PPRC1: variants seen among roughly 807,000 people sequenced by gnomAD.
The protein encoded by PPRC1 is PPARG related coactivator 1.
A neutral mutation model predicts 132.5 loss-of-function variants in PPRC1; 23 were observed. That is an observed-to-expected ratio of 0.17 (90% CI 0.12 to 0.25). PPRC1 has a LOEUF of 0.25. Ranked by LOEUF, PPRC1 falls within the 10% of genes least tolerant of loss-of-function variation. The pLI is 1.00. For missense variants in PPRC1, 2,006 were observed against 2,089.1 expected (o/e 0.96, Z 0.78); for synonymous variants, 872 against 833.5 (o/e 1.05, Z -0.80).
chr10:102,146,510 A>T (rs1411784474), intron 8 of PPRC1, among the ~76,000 whole-genome samples, 162 bp from the exon 9 acceptor site: 1 of 152,146 alleles, frequency 6.6e-6, no homozygotes, highest in Non-Finnish European at 1.5e-5. Context: ...GTTGGGGAAC[A>T]TGGGGAAGGG....
chr10:102,146,904 C>T lies in PPRC1; in HGVS notation c.3912C>T (p.Thr1304=). The change falls in exon 9 of 14, where the codon ACC becomes ACT. Residue 1304 remains threonine (T), a synonymous_variant. Coordinates refer to ENST00000278070, the MANE Select transcript of PPRC1 (RefSeq NM_015062.5). ...ATGACTATTGTGTCCGGAGCAGGAC[C>T]CCCCCAAAAAAGATGCCTGCCCTAG... ...GDHDYCVRSR[T]PPKKMPALVI... is the part of the protein sequence containing the mutation. 1.9e-6 allele frequency: 3 copies of T among 1,613,960 alleles called. No individual in the cohort carries two copies. Among genetic ancestry groups the T allele is most frequent in the East Asian group, 2.2e-5 (1 of 44,874 alleles).
chr10:102,138,318 G>GT (rs1466446694), intron 2 of PPRC1, among the ~76,000 whole-genome samples: 1 of 152,156 alleles, frequency 6.6e-6, no homozygotes, highest in Non-Finnish European at 1.5e-5. Flanking sequence ...TCTGATCTCT[G>GT]TTTTTCAGCT....
intron 8 of PPRC1, 138 bp downstream of exon 8, chr10:102,145,228 G>A (rs755802946): frequency 9.9e-6 from 8 of 804,416 alleles, no homozygotes; most frequent in Admixed American, 2.9e-5. Flanking sequence ...CAGTCTAGGG[G>A]GCAGACTTGT....
chr10:102,121,508 A>C, the PPRC1 span, among the ~76,000 whole-genome samples: 3 of 152,126 alleles, frequency 2.0e-5, no homozygotes, highest in Non-Finnish European at 4.4e-5. Context: ...TCACACTTCA[A>C]GGACTCCCCA....
At chr10:102,137,719 G>C in intron 1 of PPRC1, 131 bp from the exon 2 acceptor site, 1 of 816,860 alleles carries the variant, frequency 1.2e-6, no homozygotes, top group East Asian at 2.8e-5. Flanking sequence ...TGCTCTGCTA[G>C]CCCAGAAGTT....
intron 1 of PPRC1, 102 bp from the exon 2 acceptor site, chr10:102,137,748 T>C: frequency 1.5e-5 from 17 of 1,137,192 alleles, no homozygotes; most frequent in Non-Finnish European, 2.1e-5. Context: ...GTGTTGCTGC[T>C]GCTGAGTTTG....
intron 1 of PPRC1, among the ~76,000 whole-genome samples, chr10:102,136,276 T>G (rs1023134628): frequency 1.3e-5 from 2 of 152,060 alleles, no homozygotes; most frequent in African/African-American, 4.8e-5. Context: ...TTCCTGGGCG[T>G]TGGTACTCAG....
chr10:102,129,432 T>G (rs2068510047), upstream of PPRC1, among the ~76,000 whole-genome samples: 1 of 152,116 alleles, frequency 6.6e-6, no homozygotes, highest in African/African-American at 2.4e-5. Context: ...CAGAGATATA[T>G]TACCTTTTTT....
At chr10:102,125,532 A>G in the PPRC1 span, among the ~76,000 whole-genome samples, 1 of 152,130 alleles carries the variant, frequency 6.6e-6, no homozygotes, top group Non-Finnish European at 1.5e-5. Context: ...TGCTGGGATT[A>G]CAGGGGTGAG....
At chr10:102,125,845 CTCTG>C in the PPRC1 span, among the ~76,000 whole-genome samples, 3 of 148,960 alleles carry the variant, frequency 2.0e-5, no homozygotes, top group Admixed American at 6.6e-5. Flanking sequence ...ATTGGCACCA[CTCTG>C]TCTTTCTTTC....
At chr10:102,124,585 C>T in the PPRC1 span, among the ~76,000 whole-genome samples, 1 of 151,900 alleles carries the variant, frequency 6.6e-6, no homozygotes, top group Non-Finnish European at 1.5e-5. Context: ...AAGTGATTCA[C>T]CCGCCTCGGC....
Position 102,147,265 on chromosome 10 carries a change from C to G in PPRC1, c.4273C>G (p.Arg1425Gly). The part of the protein sequence containing the change: ...SSQGWQGRRG[R>G]NSRSVSSGSN... ...CCAGGGCTGGCAGGGCCGCCGAGGC[C>G]GCAACAGCCGTTCTGTCAGCTCTGG... The change falls in exon 9 of 14, where the codon CGC (arginine) becomes GGC (glycine). Residue 1425 changes from arginine to glycine, a missense_variant. By Grantham distance (125) the Arg-to-Gly change is moderately radical. Transcript: ENST00000278070. 1 of 1,613,026 alleles carries G rather than the reference C, an allele frequency of 6.2e-7. No individual in the cohort carries two copies. Among genetic ancestry groups the G allele is most frequent in the Non-Finnish European group, 8.5e-7 (1 of 1,180,036 alleles).
chr10:102,127,059 ATATATAT>A, the PPRC1 span, among the ~76,000 whole-genome samples: 13 of 79,982 alleles, frequency 1.6e-4, no homozygotes, highest in African/African-American at 4.0e-4. Flanking sequence ...ATATATATAT[ATATATAT>A]ATAAATTAAA....
rs780882906 is a variant in PPRC1 at position 102,140,430 on chromosome 10, C to T, written c.1922C>T (p.Ala641Val). Residue 641 changes from alanine to valine, a missense_variant, in exon 5 of 14, where the codon GCA (alanine) becomes GTA (valine). By Grantham distance (64) the Ala-to-Val change is moderately conservative. Transcript: ENST00000278070. ...AACCCAGTCCTGGCTGACTCAGCAG[C>T]AGTTGACCCTGCAGTGGTTCCCATC... ...LINPVLADSA[A>V]VDPAVVPISD... The T allele has an allele frequency of 1.2e-6, 2 of 1,614,092 alleles. No homozygotes were observed. Among genetic ancestry groups the T allele is most frequent in the Non-Finnish European group, 1.7e-6 (2 of 1,180,046 alleles).
chr10:102,123,150 T>C, the PPRC1 span, among the ~76,000 whole-genome samples: 9 of 152,328 alleles, frequency 5.9e-5, no homozygotes, highest in South Asian at 1.0e-3. Context: ...AAATAAGTGA[T>C]TGGGGCTCCT....
rs1264904469 is a variant in PPRC1 at position 102,140,037 on chromosome 10, A to C, written c.1529A>C (p.Lys510Thr). Residue 510 changes from lysine (K) to threonine (T), a missense_variant, in exon 5 of 14, where the codon AAA becomes ACA. Transcript: ENST00000278070. ...LQKQPQEELQ[K>T]ESGPLQGKGK... ...AAACAGCCTCAGGAAGAACTTCAAA[A>C]AGAGTCTGGGCCTCTCCAGGGTAAG... 3 of 1,614,198 alleles carry C rather than the reference A, an allele frequency of 1.9e-6. No individual in the cohort carries two copies. The South Asian group carries it at 3.3e-5, about 18-fold the overall frequency.
intron 5 of PPRC1, 72 bp from the exon 6 acceptor site, chr10:102,142,972 TG>T: frequency 3.0e-6 from 4 of 1,341,324 alleles, no homozygotes; most frequent in Non-Finnish European, 3.2e-6. Flanking sequence ...TGAGATGATT[TG>T]GGGGCTTCCT....
intron 1 of PPRC1, among the ~76,000 whole-genome samples, chr10:102,135,950 G>A (rs1276967329): frequency 6.6e-6 from 1 of 152,128 alleles, no homozygotes; most frequent in African/African-American, 2.4e-5. Flanking sequence ...TTGAGTGATG[G>A]GTGAGGTCAG....
rs139851248 is a variant in PPRC1 at position 102,140,336 on chromosome 10, G to A, written c.1828G>A (p.Gly610Arg). 6.2e-7 allele frequency: 1 copy of A among 1,614,194 alleles called. No homozygotes were observed. Among genetic ancestry groups the A allele is most frequent in the African/African-American group, 1.3e-5 (1 of 75,038 alleles). Residue 610 changes from glycine to arginine, a missense_variant, in exon 5 of 14, where the codon GGG (glycine) becomes AGG (arginine). Physicochemically the swap from Gly to Arg is moderately radical, Grantham distance 125. This residue lies in a region of PPRC1 where 1,914 missense variants were observed against 1,917.2 expected (regional missense o/e 1.00). Coordinates refer to ENST00000278070, the MANE Select transcript of PPRC1 (RefSeq NM_015062.5). ...VLAGPVPVDP[G>R]LVDLASTSSE... ...AGCTGGCCCTGTACCTGTTGACCCTGGGTTGGTTGACCTTGCTTCAACCAG... is the reference window on the plus strand; with the variant it reads ...AGCTGGCCCTGTACCTGTTGACCCTAGGTTGGTTGACCTTGCTTCAACCAG...
Sources: allele counts gnomAD v4.1 joint callset (sites outside exome capture counted in the v4.1 genomes callset), GRCh38; gene constraint gnomAD v4.1.1; regional missense constraint gnomAD v4.1.1; transcripts MANE v1.5; gene names NCBI Gene and HGNC (gene_info 2026-07-23, HGNC 2026-07-21).